Variants in SOX5 observed in about 807,000 individuals in gnomAD.
The protein encoded by SOX5 is SRY-box transcription factor 5.
Under a neutral mutation model 92.0 loss-of-function variants are expected in SOX5, and 9 were observed. The observed-to-expected ratio is 0.10, with a 90% confidence interval of 0.06 to 0.17. The LOEUF is 0.17. SOX5 is among the 10% of genes least tolerant of loss of function. SOX5 has a pLI of 1.00. For missense variants in SOX5, 642 were observed against 944.5 expected (o/e 0.68, Z 4.20); for synonymous variants, 344 against 336.3 (o/e 1.02, Z -0.25).
intron 1 of SOX5, among the ~76,000 whole-genome samples, chr12:23,917,820 A>G (rs60220763): frequency 0.012 from 1,777 of 152,248 alleles, 26 homozygotes; most frequent in African/African-American, 0.041. Flanking sequence ...ATTATATTAT[A>G]TATTGTGATT....
chr12:24,247,112 C>T (rs975476701), intron 3 of SOX5, among the ~76,000 whole-genome samples: 2 of 152,098 alleles, frequency 1.3e-5, no homozygotes, highest in South Asian at 2.1e-4. Context: ...TTCATTCACA[C>T]GAAATATATT....
chr12:24,058,729 T>C (rs547679874), intron 4 of SOX5, among the ~76,000 whole-genome samples: 7 of 152,164 alleles, frequency 4.6e-5, no homozygotes, highest in Non-Finnish European at 8.8e-5. Context: ...GTCTTTTTAC[T>C]CTAGGTAAAA....
At chr12:24,006,872 G>A (rs1162269141) in intron 4 of SOX5, among the ~76,000 whole-genome samples, 3 of 151,798 alleles carry the variant, frequency 2.0e-5, no homozygotes, top group East Asian at 3.9e-4. Flanking sequence ...GGTGCCTCAC[G>A]CCTATAATCC....
At chr12:23,904,555 T>C (rs1483253908) in intron 1 of SOX5, among the ~76,000 whole-genome samples, 2 of 152,200 alleles carry the variant, frequency 1.3e-5, no homozygotes, top group East Asian at 3.8e-4. Context: ...TCAAAACTAC[T>C]TTTGAGCTAT....
chr12:23,753,952 A>G (rs2094276086), intron 4 of SOX5, among the ~76,000 whole-genome samples: 1 of 151,826 alleles, frequency 6.6e-6, no homozygotes, highest in African/African-American at 2.4e-5. Flanking sequence ...TGCCCTGAAC[A>G]GAAGAAAGAC....
At chr12:23,802,056 T>C (rs1173799205) in intron 3 of SOX5, among the ~76,000 whole-genome samples, 1 of 152,048 alleles carries the variant, frequency 6.6e-6, no homozygotes, top group Non-Finnish European at 1.5e-5. Context: ...AACATTTAAT[T>C]CTTTTCTTTT....
chr12:23,871,389 C>T (rs2096870866), intron 2 of SOX5, among the ~76,000 whole-genome samples: 1 of 152,046 alleles, frequency 6.6e-6, no homozygotes, highest in Non-Finnish European at 1.5e-5. Flanking sequence ...ATTCAAGCTA[C>T]TAAAGGATTG....
intron 1 of SOX5, among the ~76,000 whole-genome samples, chr12:23,898,999 T>A (rs1357838392): frequency 6.6e-6 from 1 of 152,232 alleles, no homozygotes; most frequent in Non-Finnish European, 1.5e-5. Flanking sequence ...ATGTTTACTA[T>A]GACCCATAGT....
chr12:23,705,962 T>G (rs961623917), intron 6 of SOX5, among the ~76,000 whole-genome samples: 3 of 151,864 alleles, frequency 2.0e-5, no homozygotes, highest in Non-Finnish European at 2.9e-5. Context: ...GAGGGAACAT[T>G]TAACATCTTT....
At chr12:24,514,749 G>A (rs139268224) in intron 1 of SOX5, among the ~76,000 whole-genome samples, 3,774 of 152,276 alleles carry the variant, frequency 0.025, 55 homozygotes, top group Middle Eastern at 0.044. Context: ...CATATCCTTT[G>A]CAGGGACATG....
chr12:23,607,730 CA>C, intron 8 of SOX5, among the ~76,000 whole-genome samples: 1 of 152,182 alleles, frequency 6.6e-6, no homozygotes, highest in African/African-American at 2.4e-5. Context: ...ATCTAGTGAC[CA>C]CTGGAAGGCC....
intron 4 of SOX5, among the ~76,000 whole-genome samples, chr12:23,974,721 T>A (rs1948722094): frequency 6.6e-6 from 1 of 152,174 alleles, no homozygotes; most frequent in Non-Finnish European, 1.5e-5. Context: ...TGTGGGATCA[T>A]AATTTTTTAG....
At chr12:23,857,058 G>GGA (rs2096700603) in intron 2 of SOX5, among the ~76,000 whole-genome samples, 1 of 152,014 alleles carries the variant, frequency 6.6e-6, no homozygotes, top group Non-Finnish European at 1.5e-5. Flanking sequence ...TAAGTGAAGA[G>GGA]GAAAAGATAC....
chr12:24,310,338 A>G (rs1423856679), intron 2 of SOX5, among the ~76,000 whole-genome samples: 1 of 152,192 alleles, frequency 6.6e-6, no homozygotes, highest in Non-Finnish European at 1.5e-5. Context: ...GTTATGTATT[A>G]CGGTTTCTGG....
At chr12:23,894,043 G>A (rs2097154263) in intron 2 of SOX5, among the ~76,000 whole-genome samples, 1 of 152,108 alleles carries the variant, frequency 6.6e-6, no homozygotes, top group Non-Finnish European at 1.5e-5. Context: ...GTCCTTCCAT[G>A]AATTAGCTGA....
chr12:23,668,528 A>T (rs1424778189), intron 6 of SOX5, among the ~76,000 whole-genome samples: 7 of 152,198 alleles, frequency 4.6e-5, no homozygotes, highest in Non-Finnish European at 1.0e-4. Flanking sequence ...TTCTAAAACT[A>T]ACTTGGTATA....
intron 1 of SOX5, among the ~76,000 whole-genome samples, chr12:23,924,589 T>C (rs745514236): frequency 1.3e-5 from 2 of 152,156 alleles, no homozygotes; most frequent in Non-Finnish European, 2.9e-5. Context: ...GTAAAGTCTA[T>C]AACTTGCAGG....
intron 3 of SOX5, among the ~76,000 whole-genome samples, chr12:24,241,599 C>G (rs2030509): frequency 2.0e-5 from 3 of 152,004 alleles, no homozygotes; most frequent in African/African-American, 7.2e-5. Flanking sequence ...AACTCCATTC[C>G]TAGTTTGCAG....
At chr12:23,632,801 C>T (rs1481551527) in intron 8 of SOX5, among the ~76,000 whole-genome samples, 1 of 152,094 alleles carries the variant, frequency 6.6e-6, no homozygotes, top group Non-Finnish European at 1.5e-5. Context: ...CTAACATGAT[C>T]ACACATCATC....
Sources: gnomAD v4.1 joint callset for allele counts (sites outside exome capture counted in the v4.1 genomes callset) on GRCh38, gnomAD v4.1.1 for gene constraint, MANE v1.5 for transcripts, NCBI Gene and HGNC (gene_info 2026-07-23, HGNC 2026-07-21) for gene names.